BCAM: variants seen among roughly 807,000 people sequenced by gnomAD.
BCAM encodes basal cell adhesion molecule (Lutheran blood group).
In BCAM, 61 loss-of-function variants were observed where a neutral mutation model predicts 72.4. The ratio of observed to expected loss-of-function variants is 0.84; its 90% confidence interval spans 0.69 to 1.04. The LOEUF is 1.04. Ranked by LOEUF, BCAM falls within the 50% of genes least tolerant of loss-of-function variation. The pLI, the probability that BCAM is intolerant of heterozygous loss-of-function variation, is 0.00. For missense variants in BCAM, 909 were observed against 895.0 expected, an observed-to-expected ratio of 1.02 and a Z score of -0.20; for synonymous variants, 408 against 384.2, an observed-to-expected ratio of 1.06 and a Z score of -0.73.
rs777905118 is a variant in BCAM, at chr19:44,814,752, G to A, written c.1070G>A (p.Arg357His). 23 of 1,610,860 alleles carry A rather than the reference G, an allele frequency of 1.4e-5. No individual in the cohort carries two copies. Among genetic ancestry groups the A allele is most frequent in the East Asian group, 1.3e-4 (6 of 44,860 alleles). The change falls in exon 8 of 15, where the codon CGC becomes CAC. Residue 357 changes from arginine (R) to histidine (H), a missense_variant. Physicochemically the swap from Arg to His is conservative, Grantham distance 29. Transcript: ENST00000270233. This position sits in a 1 kb window ranked among gnomAD's most constrained non-coding sequence, Gnocchi z 4.6. Reference sequence around the variant, plus strand: ...CAGCTCTCCAAGACGCTGGAGCTGCGCGTGGCCTGTGAGAGCCCTGGGTGA... The same window carrying A: ...CAGCTCTCCAAGACGCTGGAGCTGCACGTGGCCTGTGAGAGCCCTGGGTGA... ...DVQLSKTLEL[R>H]VAYLDPLELS...
Position 44,809,219 on chromosome 19 carries a change from C to T in BCAM, c.82+13C>T. The T allele has an allele frequency of 6.9e-7, 1 of 1,453,082 alleles. No homozygotes were observed. Among genetic ancestry groups the T allele is most frequent in the Non-Finnish European group, 9.1e-7 (1 of 1,102,818 alleles). 90.0% of individuals were successfully genotyped at this position (1,453,082 alleles called of 1,614,324 possible). ...GCGGCGCACCCAGGTATGGCTCGGG[C>T]TGAGGGCAAGGTGGGACTGGGGAGA... On this transcript the variant is annotated intron_variant, in intron 1 of 14. Transcript: ENST00000270233.
intron 1 of BCAM, among the ~76,000 whole-genome samples, chr19:44,810,002 C>T (rs2122545013): frequency 6.6e-6 from 1 of 152,170 alleles, no homozygotes; most frequent in South Asian, 2.1e-4. Flanking sequence ...CCCCGTCACC[C>T]CTCCCTGGGG....
intron 13 of BCAM, chr19:44,820,284 A>G: frequency 2.0e-6 from 2 of 1,012,638 alleles, no homozygotes; most frequent in Non-Finnish European, 2.4e-6. Context: ...TCCCAACCCT[A>G]GTCCTCCACC....
At position 44,814,906 on chromosome 19, in the gene BCAM, TTG is replaced by T. The variant is rs1968483708; in HGVS notation, c.1078+148_1078+149del. ...CTGCATTTCTTGGGGGTTTTTTTGG[TTG>T]TTTTTTTTTTTTTTTTTTTCCCAGA... On this transcript the variant is annotated intron_variant, in intron 8 of 14. Coordinates refer to ENST00000270233, the MANE Select transcript of BCAM (RefSeq NM_005581.5). The surrounding 1 kb of genome is among the most constrained non-coding windows in gnomAD (Gnocchi z 4.6). The T allele has an allele frequency of 2.2e-5, 22 of 987,170 alleles. No individual in the cohort carries two copies. The highest frequency in any genetic ancestry group is 3.1e-5 in the South Asian group (1 of 32,546). The allele number at this position is 987,170 out of a possible 1,614,324, so 61.2% of individuals were successfully genotyped here.
Position 44,812,154 on chromosome 19 carries a change from C to A in BCAM, c.205-9C>A. Reference sequence around the variant, plus strand: ...CACCCGGAGCTGAGAGCCTGCCCCGCGCCCACAGACCGACCGCTCGGGAGC... The same window carrying A: ...CACCCGGAGCTGAGAGCCTGCCCCGAGCCCACAGACCGACCGCTCGGGAGC... On this transcript the variant is annotated splice_polypyrimidine_tract_variant and intron_variant, in intron 2 of 14. Transcript: ENST00000270233. This position sits in a 1 kb window ranked among gnomAD's most constrained non-coding sequence, Gnocchi z 5.3. 2.5e-6 allele frequency: 4 copies of A among 1,592,148 alleles called. No individual in the cohort carries two copies. Among genetic ancestry groups the A allele is most frequent in the Non-Finnish European group, 2.6e-6 (3 of 1,173,782 alleles).
At position 44,819,481 on chromosome 19, in the gene BCAM, T is replaced by C. The variant is rs1968550019; in HGVS notation, c.1609T>C (p.Phe537Leu). The change falls in exon 12 of 15, where the codon TTC (phenylalanine) becomes CTC (leucine). Residue 537 changes from phenylalanine (F) to leucine (L), a missense_variant. Phe to Leu is a conservative substitution (Grantham distance 22, BLOSUM62 0). Coordinates refer to ENST00000270233, the MANE Select transcript of BCAM (RefSeq NM_005581.5). The stretch of plus-strand genomic sequence containing the variant: ...CGGGAACAAGCGCCATGTCTTCCAC[T>C]TCGGCACCGGTGAGTGACTGAGGTG... The part of the protein sequence containing the change: ...PHGNKRHVFH[F>L]GTVSPQTSQA... 4 of 1,613,800 alleles carry C rather than the reference T, an allele frequency of 2.5e-6. No individual in the cohort carries two copies. The highest frequency in any genetic ancestry group is 1.1e-5 in the South Asian group (1 of 91,088).
In BCAM at chr19:44,819,423, C is replaced by A. The variant is rs372072867; in HGVS notation, c.1551C>A (p.Arg517=). Residue 517 remains arginine (R), a synonymous_variant, in exon 12 of 15, where the codon CGC becomes CGA. Coordinates refer to ENST00000270233, the MANE Select transcript of BCAM (RefSeq NM_005581.5). ...TGAAAGTGACCAGCGCCCTGAGCCG[C>A]GATGGCATCTCCTGTGAAGCCTCCA... ...LTLKVTSALS[R]DGISCEASNP... The A allele has an allele frequency of 6.2e-6, 10 of 1,613,962 alleles. No individual in the cohort carries two copies. In the African/African-American group the frequency reaches 6.7e-5, roughly 11 times the overall value.
At position 44,819,389 on chromosome 19, in the gene BCAM, C is replaced by A; in HGVS notation, c.1517C>A (p.Ser506Tyr). ...IPGRQGWVSS[S>Y]LTLKVTSALS... Reference sequence around the variant, plus strand: ...GGACGGCAGGGTTGGGTGAGCAGCTCTCTGACCCTGAAAGTGACCAGCGCC... The same window carrying A: ...GGACGGCAGGGTTGGGTGAGCAGCTATCTGACCCTGAAAGTGACCAGCGCC... The change falls in exon 12 of 15, where the codon TCT becomes TAT. Residue 506 changes from serine (S) to tyrosine (Y), a missense_variant. Physicochemically the swap from Ser to Tyr is moderately radical, Grantham distance 144 (BLOSUM62 -2). Transcript: ENST00000270233. 6.2e-7 allele frequency: 1 copy of A among 1,614,108 alleles called. No homozygotes were observed. The highest frequency in any genetic ancestry group is 8.5e-7 in the Non-Finnish European group (1 of 1,179,962).
chr19:44,817,038 C>A (rs1300046223), intron 8 of BCAM, among the ~76,000 whole-genome samples: 1 of 151,982 alleles, frequency 6.6e-6, no homozygotes, highest in Non-Finnish European at 1.5e-5. Flanking sequence ...GAGTTTGAGA[C>A]CATCCTGGCT....
At chr19:44,820,027 G>GC in intron 13 of BCAM, 1 of 1,261,106 alleles carries the variant, frequency 7.9e-7, no homozygotes, top group South Asian at 2.6e-5. Context: ...CACCTCTCCT[G>GC]CCCCTAGCTC....
At position 44,814,149 on chromosome 19, in the gene BCAM, T is replaced by G; in HGVS notation, c.785-3T>G. On this transcript the variant is annotated splice_polypyrimidine_tract_variant and splice_region_variant and intron_variant, in intron 6 of 14. Coordinates refer to ENST00000270233, the MANE Select transcript of BCAM (RefSeq NM_005581.5). This position sits in a 1 kb window ranked among gnomAD's most constrained non-coding sequence, Gnocchi z 4.6. ...AATTCCCATCTCCCTGCCCTTCCCT[T>G]AGATCCCACGGAGCACGTGCAGTTC... 2 of 1,579,522 alleles carry G rather than the reference T, an allele frequency of 1.3e-6. No individual in the cohort carries two copies. Among genetic ancestry groups the G allele is most frequent in the Non-Finnish European group, 1.7e-6 (2 of 1,170,202 alleles).
At chr19:44,811,131 G>A in intron 1 of BCAM, 94 bp from the exon 2 acceptor site, 2 of 1,580,284 alleles carry the variant, frequency 1.3e-6, no homozygotes, top group East Asian at 2.3e-5. Context: ...GAGGGGCTGG[G>A]ACCTGGACGC....
rs1417829272 is a variant in BCAM, at chr19:44,814,336, C to G, written c.921+48C>G. 1 of 1,555,060 alleles carries G rather than the reference C, an allele frequency of 6.4e-7. No homozygotes were observed. Among genetic ancestry groups the G allele is most frequent in the Non-Finnish European group, 8.6e-7 (1 of 1,161,998 alleles). On this transcript the variant is annotated intron_variant, in intron 7 of 14. Transcript: ENST00000270233. The surrounding 1 kb of genome is among the most constrained non-coding windows in gnomAD (Gnocchi z 4.6). ...TGGGATCCACCCCCCAGCCCCTGAC[C>G]TCTGTGACCTGCTAACCTGCATAAC...
chr19:44,817,840 G>C (rs1302617371), intron 8 of BCAM, among the ~76,000 whole-genome samples: 1 of 152,134 alleles, frequency 6.6e-6, no homozygotes, highest in Non-Finnish European at 1.5e-5. Flanking sequence ...CACCGTGCCC[G>C]GCCTGACCAG....
At chr19:44,819,244 A>G in intron 11 of BCAM, 52 bp downstream of exon 11, 1 of 1,611,182 alleles carries the variant, frequency 6.2e-7, no homozygotes, top group Non-Finnish European at 8.5e-7. Flanking sequence ...TCCAAGTATC[A>G]CACCCTCCTT....
In BCAM at chr19:44,820,724, C is replaced by G. The variant is rs1240602043; in HGVS notation, c.1783C>G (p.Leu595Val). ...CCCCAGGCCGCCAGGGGAGCCAGGG[C>G]TGAGCCACTCGGGGTCGGAGCAACC... is the stretch of plus-strand genomic sequence containing the variant. ...KGAPPPGEPG[L>V]SHSGSEQPEQ... is the part of the protein sequence containing the mutation. The change falls in exon 14 of 15, where the codon CTG (leucine) becomes GTG (valine). Residue 595 changes from leucine (L) to valine (V), a missense_variant. Transcript: ENST00000270233. 1.4e-6 allele frequency: 2 copies of G among 1,441,722 alleles called. No individual in the cohort carries two copies. Among genetic ancestry groups the G allele is most frequent in the Non-Finnish European group, 1.8e-6 (2 of 1,091,326 alleles). The allele number at this position is 1,441,722 out of a possible 1,614,324, so 89.3% of individuals were successfully genotyped here.
rs1213888399 is a variant in BCAM at position 44,812,679 on chromosome 19, G to A, written c.504+131G>A. The A allele has an allele frequency of 1.9e-6, 2 of 1,069,018 alleles. No homozygotes were observed. The highest frequency in any genetic ancestry group is 1.6e-5 in the African/African-American group (1 of 62,324). 66.2% of individuals were successfully genotyped at this position (1,069,018 alleles called of 1,614,324 possible). A position where few individuals can be genotyped will look rare whatever the true frequency, so the allele number is the denominator to read the frequency against. On this transcript the variant is annotated intron_variant, in intron 4 of 14. Coordinates refer to ENST00000270233, the MANE Select transcript of BCAM (RefSeq NM_005581.5). The surrounding 1 kb of genome is among the most constrained non-coding windows in gnomAD (Gnocchi z 5.3). The stretch of plus-strand genomic sequence containing the variant: ...AGGAGGAGGGGTAAGGCCAGGCGAG[G>A]TGGCTCATGCCTGTAATCCCAGCAT...
At chr19:44,819,233 A>C (rs1164589789) in intron 11 of BCAM, 41 bp downstream of exon 11, 1 of 1,612,160 alleles carries the variant, frequency 6.2e-7, no homozygotes, top group Non-Finnish European at 8.5e-7. Context: ...CCTCTCACTC[A>C]TCCAAGTATC....
chr19:44,816,952 A>G (rs952658200), intron 8 of BCAM, among the ~76,000 whole-genome samples: 1 of 148,502 alleles, frequency 6.7e-6, no homozygotes, highest in Non-Finnish European at 1.5e-5. Context: ...GAAAAAAGAA[A>G]TTGGCCGGGC....
Sources: gnomAD v4.1 joint callset for allele counts (sites outside exome capture counted in the v4.1 genomes callset) on GRCh38, gnomAD v4.1.1 for gene constraint, Gnocchi (gnomAD v3.1) non-coding constraint, MANE v1.5 for transcripts, NCBI Gene and HGNC (gene_info 2026-07-23, HGNC 2026-07-21) for gene names.